Variants in TLR6 observed in about 807,000 individuals in gnomAD.
TLR6 encodes toll-like receptor 6.
Under a neutral mutation model 16.1 loss-of-function variants are expected in TLR6, and 9 were observed. The observed-to-expected ratio is 0.56, with a 90% CI of 0.34 to 0.98. TLR6 has a LOEUF of 0.98. Ranked by LOEUF, TLR6 falls within the 50% of genes least tolerant of loss-of-function variation. The pLI, the probability that TLR6 is intolerant of heterozygous loss-of-function variation, is 0.02. For missense variants in TLR6, 786 were observed against 921.0 expected (o/e 0.85, Z 1.90); for synonymous variants, 340 against 338.6 (o/e 1.00, Z -0.04).
At chr4:38,839,666 T>G (rs762961960) in intron 1 of TLR6, among the ~76,000 whole-genome samples, 1 of 152,176 alleles carries the variant, frequency 6.6e-6, no homozygotes, top group Non-Finnish European at 1.5e-5. Flanking sequence ...TCAAGTTAAC[T>G]TCCTAGCCCT....
exon 2 of TLR6, chr4:38,827,377 G>A: frequency 6.2e-7 from 1 of 1,614,200 alleles, no homozygotes; most frequent in South Asian, 1.1e-5. Context: ...ACAAAACAAA[G>A]ATGGACTTGT....
chr4:38,836,368 G>A (rs1053863980), intron 1 of TLR6, among the ~76,000 whole-genome samples: 4 of 152,012 alleles, frequency 2.6e-5, no homozygotes, highest in Admixed American at 6.6e-5. Flanking sequence ...TTAACAAATT[G>A]GAAACCCTAC....
intron 1 of TLR6, among the ~76,000 whole-genome samples, chr4:38,853,059 G>T (rs1328563815): frequency 1.3e-5 from 2 of 151,242 alleles, no homozygotes; most frequent in Non-Finnish European, 1.5e-5. Context: ...CCATAAAAAA[G>T]GATGAGTTCA....
intron 1 of TLR6, among the ~76,000 whole-genome samples, chr4:38,848,179 G>C (rs758933365): frequency 5.3e-5 from 8 of 152,226 alleles, no homozygotes; most frequent in Admixed American, 1.3e-4. Context: ...ACAGGGTCTG[G>C]AGTGGACCTC....
chr4:38,830,100 C>T (rs935906010), intron 1 of TLR6, among the ~76,000 whole-genome samples: 2 of 152,206 alleles, frequency 1.3e-5, no homozygotes, highest in Non-Finnish European at 2.9e-5. Context: ...TAAACTTCAC[C>T]TCTGGCTCAT....
upstream of TLR6, among the ~76,000 whole-genome samples, chr4:38,858,540 C>T (rs547542509): frequency 6.6e-6 from 1 of 151,784 alleles, no homozygotes; most frequent in South Asian, 2.1e-4. Flanking sequence ...GCTAACATGG[C>T]GAAACCCTGT....
chr4:38,848,524 A>T (rs1712633008), intron 1 of TLR6, among the ~76,000 whole-genome samples: 1 of 152,220 alleles, frequency 6.6e-6, no homozygotes, highest in African/African-American at 2.4e-5. Flanking sequence ...GAAGCTAAAA[A>T]CCTTGACAAA....
In TLR6 at chr4:38,829,046, C is replaced by T. The variant is rs749881551; in HGVS notation, c.428G>A (p.Gly143Asp). Reference sequence around the variant, plus strand: ...CAAGAAATTCAGTTGTGATAAGTTGCCAAATTCCTTACAGATGGGCAGGGC... The same window carrying T: ...CAAGAAATTCAGTTGTGATAAGTTGTCAAATTCCTTACAGATGGGCAGGGC... The change falls in exon 2 of 2, where the codon GGC (glycine) becomes GAC (aspartate). Residue 143 changes from glycine (G) to aspartate (D), a missense_variant. By Grantham distance (94) the Gly-to-Asp change is moderately conservative. Coordinates refer to ENST00000436693, the Ensembl canonical transcript of TLR6. The T allele has an allele frequency of 7.4e-6, 12 of 1,614,100 alleles. No homozygotes were observed. In the South Asian group the frequency reaches 1.3e-4, roughly 18 times the overall value.
intron 1 of TLR6, among the ~76,000 whole-genome samples, chr4:38,840,724 T>C (rs1400724843): frequency 6.6e-6 from 1 of 151,808 alleles, no homozygotes; most frequent in Non-Finnish European, 1.5e-5. Context: ...TATGAGTGCA[T>C]GCAGAATAGA....
At position 38,838,965 on chromosome 4, in the gene TLR6, G is replaced by GAA. The variant is rs1560267341; in HGVS notation, c.-64-9429_-64-9428insTT. On this transcript the variant is annotated intron_variant, in intron 1 of 1. Coordinates refer to ENST00000436693, the Ensembl canonical transcript of TLR6. ...GGAAGGGAGGAAGGAAGGAAGGAAG[G>GAA]GGAGGAAGGAAAGAAAGGAGGGAGA... is the stretch of plus-strand genomic sequence containing the variant. Among the ~76,000 whole-genome samples the GAA allele has an allele frequency of 2.4e-4, 31 of 127,802 alleles. 1 individual carries two copies. Among genetic ancestry groups the GAA allele is most frequent in the East Asian group, 9.3e-4 (4 of 4,300 alleles). 83.8% of individuals were successfully genotyped at this position (127,802 alleles called of 152,430 possible).
rs578261614 is a variant in TLR6 at position 38,828,096 on chromosome 4, T to C, written c.1378A>G (p.Asn460Asp). The change falls in exon 2 of 2, where the codon AAT (asparagine) becomes GAT (aspartate). Residue 460 changes from asparagine to aspartate, a missense_variant. Physicochemically the swap from Asn to Asp is conservative, Grantham distance 23. Coordinates refer to ENST00000436693, the Ensembl canonical transcript of TLR6. ...TGTTTAGGAACGCTCTTTATTTTAT[T>C]GCTGTGAAGATCAAGTACCTTGATC... 8 of 1,614,246 alleles carry C rather than the reference T, an allele frequency of 5.0e-6. No homozygotes were observed. The East Asian group carries it at 1.6e-4, about 31-fold the overall frequency.
intron 1 of TLR6, among the ~76,000 whole-genome samples, chr4:38,831,650 T>C (rs954445909): frequency 2.0e-5 from 3 of 152,188 alleles, no homozygotes; most frequent in African/African-American, 7.2e-5. Context: ...CAAAGAACTC[T>C]TAAGCTCCAC....
chr4:38,844,535 T>C (rs1176108922), intron 1 of TLR6, among the ~76,000 whole-genome samples: 1 of 147,434 alleles, frequency 6.8e-6, no homozygotes, highest in Non-Finnish European at 1.5e-5. Flanking sequence ...TAAAAACATA[T>C]ATGGAAATTT....
upstream of TLR6, among the ~76,000 whole-genome samples, chr4:38,860,426 C>T (rs1366441796): frequency 1.3e-5 from 2 of 151,138 alleles, no homozygotes; most frequent in East Asian, 1.9e-4. Context: ...GAGCTGAGAT[C>T]GTGCCACTGC....
intron 1 of TLR6, among the ~76,000 whole-genome samples, chr4:38,839,274 A>T (rs1712121279): frequency 6.6e-6 from 1 of 151,530 alleles, no homozygotes; most frequent in South Asian, 2.1e-4. Flanking sequence ...GACAAAAAAA[A>T]ACTGCTCTAA....
At chr4:38,848,827 A>G (rs1712646869) in intron 1 of TLR6, among the ~76,000 whole-genome samples, 1 of 152,228 alleles carries the variant, frequency 6.6e-6, no homozygotes, top group Admixed American at 6.5e-5. Flanking sequence ...ATTGACGGGG[A>G]GAATGGAACC....
chr4:38,861,184 T>A (rs1713185754), upstream of TLR6, among the ~76,000 whole-genome samples: 1 of 151,938 alleles, frequency 6.6e-6, no homozygotes, highest in Non-Finnish European at 1.5e-5. Flanking sequence ...CATCACTTCA[T>A]CAAGTATTCT....
intron 1 of TLR6, among the ~76,000 whole-genome samples, chr4:38,831,401 A>G (rs5743792): frequency 0.13 from 19,339 of 152,204 alleles, 2,291 homozygotes; most frequent in African/African-American, 0.29. Context: ...ATGCAAAACT[A>G]TAAAATTTCC....
intron 1 of TLR6, among the ~76,000 whole-genome samples, chr4:38,847,477 A>G (rs1712578292): frequency 6.7e-6 from 1 of 150,168 alleles, no homozygotes; most frequent in Non-Finnish European, 1.5e-5. Flanking sequence ...GAGCCGAAGC[A>G]CGGTGAGGCA....
Sources: gnomAD v4.1 joint callset for allele counts (sites outside exome capture counted in the v4.1 genomes callset) on GRCh38, gnomAD v4.1.1 for gene constraint, MANE v1.5 for transcripts, NCBI Gene and HGNC (gene_info 2026-07-23, HGNC 2026-07-21) for gene names.